DDTL: variants seen among roughly 807,000 people sequenced by gnomAD.
DDTL encodes putative D-dopachrome decarboxylase-like protein.
DDTL carries 1 observed loss-of-function variant against 1.1 expected under a neutral mutation model. The observed-to-expected ratio is 0.91, with a 90% CI of 0.32 to 4.31. The LOEUF (loss-of-function observed/expected upper bound fraction) is 4.31, where lower values mean the gene tolerates loss of function less well. Ranked by LOEUF, DDTL falls within the 30% of genes most tolerant of loss-of-function variation. DDTL has a pLI of 0.17. For synonymous variants in DDTL, 21 were observed against 16.6 expected (o/e 1.26, Z -0.64); for missense variants, 54 against 48.9 (o/e 1.10, Z -0.31).
intron 2 of DDTL, chr22:23,969,924 A>T (rs1168175444): frequency 2.4e-5 from 22 of 929,050 alleles, no homozygotes; most frequent in Non-Finnish European, 2.8e-5. Context: ...TAAGTCTGGG[A>T]GAGCGACCTC....
chr22:23,971,370 T>C lies in DDTL; in HGVS notation c.369T>C (p.Cys123=), dbSNP rs1349347361. Reference sequence around the variant, plus strand: ...AGATAATAGAAGGTAAGAAGTCATGTTTGAATGAGGAAGCTCTCTTCATTT... The same window carrying C: ...AGATAATAGAAGGTAAGAAGTCATGCTTGAATGAGGAAGCTCTCTTCATTT... The part of the protein sequence containing the change: ...PGEIIEGKKS[C]LNEEALFIYF... Residue 123 remains cysteine, a synonymous_variant, in exon 3 of 3, where the codon TGT becomes TGC. Coordinates refer to ENST00000215770, the MANE Select transcript of DDTL (RefSeq NM_001084393.2). 1.9e-6 allele frequency: 3 copies of C among 1,613,980 alleles called. No individual in the cohort carries two copies. The highest frequency in any genetic ancestry group is 2.2e-5 in the East Asian group (1 of 44,882).
At chr22:23,969,341 A>G (rs1466424748) in intron 2 of DDTL, 1 of 985,484 alleles carries the variant, frequency 1.0e-6, no homozygotes, top group Non-Finnish European at 1.2e-6. Flanking sequence ...CCTTTGAGAA[A>G]ACAGGTGTCT....
At position 23,971,685 on chromosome 22, in the gene DDTL, C is replaced by T; in HGVS notation, c.*279C>T. 3 of 1,486,220 alleles carry T rather than the reference C, an allele frequency of 2.0e-6. No individual in the cohort carries two copies. Among genetic ancestry groups the T allele is most frequent in the Non-Finnish European group, 1.9e-6 (2 of 1,078,686 alleles). The allele number at this position is 1,486,220 out of a possible 1,614,324, so 92.1% of individuals were successfully genotyped here. On this transcript the variant is annotated 3_prime_UTR_variant, in exon 3 of 3. Coordinates refer to ENST00000215770, the MANE Select transcript of DDTL (RefSeq NM_001084393.2). ...TGGCTAATACCACATCTTGCAAGAC[C>T]CCTGCCAGGTACTCCCACTGTGGGT...
At chr22:23,969,097 A>G (rs2033854749) in intron 2 of DDTL, 1 of 207,788 alleles carries the variant, frequency 4.8e-6, no homozygotes, top group African/African-American at 5.6e-5. Context: ...TTTGATCCTT[A>G]CAATCCCTAT....
rs149968501 is a variant in DDTL at position 23,969,507 on chromosome 22, T to C, written c.285-1779T>C. The C allele has an allele frequency of 2.4e-3, 2,413 of 985,764 alleles. 12 individuals are homozygous for C. In the East Asian group the frequency reaches 0.029, roughly 12 times the overall value. The allele number at this position is 985,764 out of a possible 1,614,324, so 61.1% of individuals were successfully genotyped here. On this transcript the variant is annotated intron_variant, in intron 2 of 2. Coordinates refer to ENST00000215770, the MANE Select transcript of DDTL (RefSeq NM_001084393.2). The stretch of plus-strand genomic sequence containing the variant: ...GGTCATGCTGATGTGCAGCCACCAT[T>C]CCACACCTGAGTGTCCCACTGCCCT...
intron 2 of DDTL, among the ~76,000 whole-genome samples, chr22:23,970,280 TTGTG>T (rs965465864): frequency 9.9e-5 from 15 of 152,016 alleles, no homozygotes; most frequent in East Asian, 3.8e-4. Flanking sequence ...TGTGAGTGAA[TTGTG>T]TGTTTATGTG....
Position 23,971,687 on chromosome 22 carries a change from C to A in DDTL, c.*281C>A. 6.9e-7 allele frequency: 1 copy of A among 1,452,624 alleles called. No individual in the cohort carries two copies. The allele number at this position is 1,452,624 out of a possible 1,614,324, so 90.0% of individuals were successfully genotyped here. The stretch of plus-strand genomic sequence containing the variant: ...GCTAATACCACATCTTGCAAGACCC[C>A]TGCCAGGTACTCCCACTGTGGGTAC... On this transcript the variant is annotated 3_prime_UTR_variant, in exon 3 of 3. Transcript: ENST00000215770.
Position 23,971,770 on chromosome 22 carries a change from G to C in DDTL, c.*364G>C. The C allele has an allele frequency of 1.4e-6, 1 of 695,486 alleles. No individual in the cohort carries two copies. Among genetic ancestry groups the C allele is most frequent in the Non-Finnish European group, 2.4e-6 (1 of 419,026 alleles). 43.1% of individuals were successfully genotyped at this position (695,486 alleles called of 1,614,324 possible). On this transcript the variant is annotated 3_prime_UTR_variant, in exon 3 of 3. Coordinates refer to ENST00000215770, the MANE Select transcript of DDTL (RefSeq NM_001084393.2). The stretch of plus-strand genomic sequence containing the variant: ...TTGCAAACCTGCTCATCCCAATAAT[G>C]ATTTTCCCCAACCCCCAGCAGGGCA...
chr22:23,970,651 G>A (rs1038873185), intron 2 of DDTL, among the ~76,000 whole-genome samples: 2 of 152,130 alleles, frequency 1.3e-5, no homozygotes, highest in African/African-American at 4.8e-5. Flanking sequence ...TAAATGGTAT[G>A]ATTGTATATG....
At position 23,971,496 on chromosome 22, in the gene DDTL, A is replaced by G; in HGVS notation, c.*90A>G. On this transcript the variant is annotated 3_prime_UTR_variant, in exon 3 of 3. Coordinates refer to ENST00000215770, the MANE Select transcript of DDTL (RefSeq NM_001084393.2). ...CTCCAGGCCCTCACTCTGCCAAGAGATCTCTCTGGAAGAAGCAGCCAGTTC... is the reference window on the plus strand; with the variant it reads ...CTCCAGGCCCTCACTCTGCCAAGAGGTCTCTCTGGAAGAAGCAGCCAGTTC... 1.2e-6 allele frequency: 2 copies of G among 1,609,868 alleles called. No individual in the cohort carries two copies. Among genetic ancestry groups the G allele is most frequent in the Non-Finnish European group, 1.7e-6 (2 of 1,177,194 alleles).
In DDTL at chr22:23,971,680, A is replaced by G. The variant is rs184571618; in HGVS notation, c.*274A>G. On this transcript the variant is annotated 3_prime_UTR_variant, in exon 3 of 3. Transcript: ENST00000215770. ...CTCCTTGGCTAATACCACATCTTGC[A>G]AGACCCCTGCCAGGTACTCCCACTG... 128 of 1,517,830 alleles carry G rather than the reference A, an allele frequency of 8.4e-5. 1 individual carries two copies. The Middle Eastern group carries it at 1.9e-3, about 22-fold the overall frequency. The allele number at this position is 1,517,830 out of a possible 1,614,324, so 94.0% of individuals were successfully genotyped here.
At position 23,971,655 on chromosome 22, in the gene DDTL, C is replaced by T. The variant is rs924600847; in HGVS notation, c.*249C>T. Reference sequence around the variant, plus strand: ...GAGACAGAGAAAAAGATATCATCAGCTCCTTGGCTAATACCACATCTTGCA... The same window carrying T: ...GAGACAGAGAAAAAGATATCATCAGTTCCTTGGCTAATACCACATCTTGCA... On this transcript the variant is annotated 3_prime_UTR_variant, in exon 3 of 3. Coordinates refer to ENST00000215770, the MANE Select transcript of DDTL (RefSeq NM_001084393.2). 2 of 1,594,422 alleles carry T rather than the reference C, an allele frequency of 1.3e-6. No homozygotes were observed. The highest frequency in any genetic ancestry group is 1.7e-5 in the Admixed American group (1 of 59,096).
Position 23,971,357 on chromosome 22 carries a change from G to A in DDTL, c.356G>A (p.Gly119Asp). ...AGATGCCCAGGAGAGATAATAGAAG[G>A]TAAGAAGTCATGTTTGAATGAGGAA... is the stretch of plus-strand genomic sequence containing the variant. ...GPRCPGEIIE[G>D]KKSCLNEEAL... The change falls in exon 3 of 3, where the codon GGT becomes GAT. Residue 119 changes from glycine (G) to aspartate (D), a missense_variant. Gly to Asp is a moderately conservative substitution (Grantham distance 94). Coordinates refer to ENST00000215770, the MANE Select transcript of DDTL (RefSeq NM_001084393.2). 1 of 1,613,916 alleles carries A rather than the reference G, an allele frequency of 6.2e-7. No individual in the cohort carries two copies. The highest frequency in any genetic ancestry group is 8.5e-7 in the Non-Finnish European group (1 of 1,179,796).
chr22:23,969,800 C>G, intron 2 of DDTL: 2 of 985,908 alleles, frequency 2.0e-6, no homozygotes, highest in South Asian at 4.7e-5. Context: ...TCCATGCTGG[C>G]TGCCTTTGGA....
intron 2 of DDTL, chr22:23,969,208 C>T (rs1480406398): frequency 5.1e-6 from 5 of 985,378 alleles, no homozygotes; most frequent in Non-Finnish European, 6.0e-6. Context: ...TTCATACTCC[C>T]CCGCCCTCAG....
chr22:23,969,810 A>G (rs574818642), intron 2 of DDTL: 2 of 985,912 alleles, frequency 2.0e-6, no homozygotes, highest in African/African-American at 3.5e-5. Context: ...CTGCCTTTGG[A>G]TTGTTCCTAA....
At position 23,971,445 on chromosome 22, in the gene DDTL, A is replaced by G. The variant is rs1244369968; in HGVS notation, c.*39A>G. On this transcript the variant is annotated 3_prime_UTR_variant, in exon 3 of 3. Coordinates refer to ENST00000215770, the MANE Select transcript of DDTL (RefSeq NM_001084393.2). ...GATTATGTGATCACAGGAATGTTGC[A>G]TGCGGGATAATCCAAAGCTGGTTAT... 2 of 1,608,626 alleles carry G rather than the reference A, an allele frequency of 1.2e-6. No homozygotes were observed. Among genetic ancestry groups the G allele is most frequent in the Non-Finnish European group, 8.5e-7 (1 of 1,176,540 alleles).
chr22:23,972,124 G>A lies in DDTL; in HGVS notation c.*718G>A, dbSNP rs2033918502. On this transcript the variant is annotated 3_prime_UTR_variant, in exon 3 of 3. Coordinates refer to ENST00000215770, the MANE Select transcript of DDTL (RefSeq NM_001084393.2). Reference sequence around the variant, plus strand: ...GGGACAGCCTGGTTGGGGCGGGCGGGAGTATGAACAGCCTGTCTTCTCATC... The same window carrying A: ...GGGACAGCCTGGTTGGGGCGGGCGGAAGTATGAACAGCCTGTCTTCTCATC... 1 of 973,104 alleles carries A rather than the reference G, an allele frequency of 1.0e-6. No homozygotes were observed. Among genetic ancestry groups the A allele is most frequent in the Non-Finnish European group, 1.2e-6 (1 of 818,856 alleles). 60.3% of individuals were successfully genotyped at this position (973,104 alleles called of 1,614,324 possible).
chr22:23,969,999 CAGG>C (rs1396723459), intron 2 of DDTL: 1 of 348,254 alleles, frequency 2.9e-6, no homozygotes, highest in Non-Finnish European at 4.0e-6. Flanking sequence ...TGTCACCTGG[CAGG>C]AGGAGGGACA....
Sources: gnomAD v4.1 joint callset for allele counts (sites outside exome capture counted in the v4.1 genomes callset) on GRCh38, gnomAD v4.1.1 for gene constraint, MANE v1.5 for transcripts, NCBI Gene and HGNC (gene_info 2026-07-23, HGNC 2026-07-21) for gene names.